WHR1: variants seen among roughly 807,000 people sequenced by gnomAD.
WHR1 encodes the protein MHC class III HLA-RP1.
chr6:31,971,805 G>T, the WHR1 span: 1 of 1,326,468 alleles, frequency 7.5e-7, no homozygotes, highest in East Asian at 2.5e-5. This position sits in a 1 kb window ranked among gnomAD's most constrained non-coding sequence, Gnocchi z 4.5. Flanking sequence ...AGGCCCCTCA[G>T]ACGCCACCGC....
At chr6:31,977,578 G>A in the WHR1 span, among the ~76,000 whole-genome samples, 2 of 151,546 alleles carry the variant, frequency 1.3e-5, no homozygotes, top group Non-Finnish European at 2.9e-5. Context: ...CTTGATCTCC[G>A]GACCTCGTGA....
At chr6:31,980,346 T>C in the WHR1 span, 9 of 1,041,194 alleles carry the variant, frequency 8.6e-6, no homozygotes, top group Non-Finnish European at 1.2e-5. Flanking sequence ...CTCTCTTGCA[T>C]GGTTGCCCGT....
chr6:31,977,793 A>ATTT, the WHR1 span, among the ~76,000 whole-genome samples: 1 of 146,548 alleles, frequency 6.8e-6, no homozygotes, highest in East Asian at 2.1e-4. Flanking sequence ...GGCCCCAGTT[A>ATTT]TTTTTATTTT....
the WHR1 span, chr6:31,979,341 A>G: frequency 1.3e-6 from 2 of 1,584,346 alleles, no homozygotes. Context: ...AGGAAGAGAA[A>G]TGCTGTCCTG....
the WHR1 span, chr6:31,972,324 A>G: frequency 1.2e-6 from 2 of 1,613,118 alleles, no homozygotes; most frequent in Admixed American, 3.3e-5. This position sits in a 1 kb window ranked among gnomAD's most constrained non-coding sequence, Gnocchi z 6.3. Flanking sequence ...GGGAGACCGT[A>G]CGTCACTGCT....
chr6:31,979,061 T>C, the WHR1 span: 4 of 1,523,672 alleles, frequency 2.6e-6, no homozygotes, highest in African/African-American at 2.8e-5. Context: ...GACAGGGAAC[T>C]TGGGAAACAG....
chr6:31,979,044 T>G, the WHR1 span: 2 of 1,584,004 alleles, frequency 1.3e-6, no homozygotes, highest in Non-Finnish European at 8.6e-7. Flanking sequence ...GGGCACAGGT[T>G]GGGGGAGACA....
At chr6:31,975,586 G>A in the WHR1 span, among the ~76,000 whole-genome samples, 14 of 151,324 alleles carry the variant, frequency 9.3e-5, no homozygotes, top group African/African-American at 1.7e-4. Context: ...TGCCTGCCTC[G>A]GCCTCCCAAA....
the WHR1 span, chr6:31,972,982 T>A: frequency 3.8e-6 from 3 of 782,550 alleles, no homozygotes; most frequent in Non-Finnish European, 6.5e-6. This position sits in a 1 kb window ranked among gnomAD's most constrained non-coding sequence, Gnocchi z 6.3. Context: ...AACCGAGTCA[T>A]GGGGCATGGT....
At chr6:31,978,208 G>A in the WHR1 span, among the ~76,000 whole-genome samples, 10 of 151,792 alleles carry the variant, frequency 6.6e-5, no homozygotes, top group Non-Finnish European at 1.3e-4. Flanking sequence ...TCTTACTGCA[G>A]CCTCAAACTC....
At chr6:31,977,684 A>C in the WHR1 span, among the ~76,000 whole-genome samples, 4 of 150,946 alleles carry the variant, frequency 2.6e-5, no homozygotes, top group East Asian at 3.9e-4. Context: ...GGGTTTCATC[A>C]TGTTGGCCAG....
chr6:31,980,289 T>C, the WHR1 span: 1 of 606,546 alleles, frequency 1.6e-6, no homozygotes, highest in Admixed American at 3.1e-5. Context: ...ACAGAGGCAG[T>C]TGGTGCGAGC....
At chr6:31,977,294 C>T in the WHR1 span, among the ~76,000 whole-genome samples, 1 of 151,696 alleles carries the variant, frequency 6.6e-6, no homozygotes, top group African/African-American at 2.4e-5. Context: ...GCCTCAGCCT[C>T]CCAAGTAGCT....
At chr6:31,977,136 C>A in the WHR1 span, among the ~76,000 whole-genome samples, 1 of 151,916 alleles carries the variant, frequency 6.6e-6, no homozygotes, top group Non-Finnish European at 1.5e-5. Context: ...ATGTTCTGGG[C>A]AGATTTGCCT....
the WHR1 span, chr6:31,980,209 T>C: frequency 2.0e-6 from 1 of 508,072 alleles, no homozygotes; most frequent in Non-Finnish European, 3.5e-6. Flanking sequence ...GAACCAGTAA[T>C]AGTAGCAGGA....
chr6:31,978,891 C>A, the WHR1 span: 5 of 1,612,216 alleles, frequency 3.1e-6, no homozygotes, highest in Non-Finnish European at 4.2e-6. Flanking sequence ...ACTCTCTTCT[C>A]TGTGGAGACA....
chr6:31,975,585 C>G, the WHR1 span, among the ~76,000 whole-genome samples: 1 of 150,988 alleles, frequency 6.6e-6, no homozygotes, highest in Non-Finnish European at 1.5e-5. Context: ...CTGCCTGCCT[C>G]GGCCTCCCAA....
the WHR1 span, chr6:31,979,035 G>C: frequency 6.2e-7 from 1 of 1,600,476 alleles, no homozygotes. Flanking sequence ...CTGGGGGGAG[G>C]GCACAGGTTG....
chr6:31,978,965 T>C, the WHR1 span: 5 of 1,612,072 alleles, frequency 3.1e-6, no homozygotes, highest in Non-Finnish European at 4.2e-6. Flanking sequence ...TGGATGCCCA[T>C]GGAATTATCT....
Sources: gnomAD v4.1 joint callset for allele counts (sites outside exome capture counted in the v4.1 genomes callset) on GRCh38, gnomAD v4.1.1 for gene constraint, Gnocchi (gnomAD v3.1) non-coding constraint, MANE v1.5 for transcripts, NCBI Gene and HGNC (gene_info 2026-07-23, HGNC 2026-07-21) for gene names.